UST: variants seen among roughly 807,000 people sequenced by gnomAD.
UST encodes the protein uronyl 2-sulfotransferase, also known as chondroitin sulfate 2-O-sulfotransferase.
UST carries 21 observed loss-of-function variants against 45.6 expected under a neutral mutation model. The ratio of observed to expected loss-of-function variants is 0.46; its 90% confidence interval spans 0.33 to 0.66. The LOEUF is 0.66. Among genes scored for constraint, UST ranks in the 30% least tolerant of loss-of-function variants. The pLI, the probability that UST is intolerant of heterozygous loss-of-function variation, is 0.02. For synonymous variants in UST, 215 were observed against 200.6 expected (o/e 1.07, Z -0.61); for missense variants, 463 against 512.4 (o/e 0.90, Z 0.93).
chr6:149,060,832 C>G (rs189602245), intron 7 of UST, among the ~76,000 whole-genome samples: 149 of 152,320 alleles, frequency 9.8e-4, no homozygotes, highest in African/African-American at 3.4e-3. Flanking sequence ...CTCAGTTGAT[C>G]ACCACTCAGC....
At chr6:148,946,539 C>T (rs1298062136) in intron 3 of UST, among the ~76,000 whole-genome samples, 7 of 104,610 alleles carry the variant, frequency 6.7e-5, no homozygotes, top group African/African-American at 1.4e-4. Flanking sequence ...AGGCCGGGTG[C>T]GGTGGCTCAT....
At chr6:148,847,599 C>T (rs946911920) in intron 1 of UST, among the ~76,000 whole-genome samples, 10 of 152,130 alleles carry the variant, frequency 6.6e-5, no homozygotes, top group African/African-American at 2.2e-4. Context: ...GACATGAATA[C>T]CAGGAGGTGG....
At chr6:148,973,953 T>C (rs1780969632) in intron 5 of UST, among the ~76,000 whole-genome samples, 1 of 152,210 alleles carries the variant, frequency 6.6e-6, no homozygotes, top group Non-Finnish European at 1.5e-5. Context: ...TAGTGTGTAA[T>C]TGGAAAAATA....
intron 1 of UST, among the ~76,000 whole-genome samples, chr6:148,807,810 G>T (rs1562263854): frequency 6.6e-6 from 1 of 152,172 alleles, no homozygotes; most frequent in Admixed American, 6.5e-5. Context: ...AATCACCCTG[G>T]ATGCTTGTGA....
At chr6:149,064,089 C>T (rs569689875) in intron 7 of UST, among the ~76,000 whole-genome samples, 8 of 152,268 alleles carry the variant, frequency 5.3e-5, no homozygotes, top group African/African-American at 1.9e-4. Context: ...CCCAATAAGC[C>T]TGGTCTCCCT....
At chr6:149,035,711 A>G (rs187310079) in intron 7 of UST, among the ~76,000 whole-genome samples, 144 of 152,048 alleles carry the variant, frequency 9.5e-4, no homozygotes, top group African/African-American at 2.3e-3. Flanking sequence ...GGTTGCTGTG[A>G]GCCAAGATTG....
chr6:148,855,939 C>T (rs1415040197), intron 1 of UST, among the ~76,000 whole-genome samples: 44 of 152,156 alleles, frequency 2.9e-4, no homozygotes, highest in Non-Finnish European at 2.4e-4. Context: ...CACATTTCCT[C>T]CTTTGTATGT....
chr6:149,015,104 CTG>C (rs572657256), intron 5 of UST, among the ~76,000 whole-genome samples: 27 of 152,090 alleles, frequency 1.8e-4, no homozygotes, highest in Non-Finnish European at 2.9e-4. Flanking sequence ...GGAGTTTCCT[CTG>C]AGACCAGCCG....
chr6:148,758,940 T>A (rs1776149103), intron 1 of UST, among the ~76,000 whole-genome samples: 1 of 152,192 alleles, frequency 6.6e-6, no homozygotes, highest in Non-Finnish European at 1.5e-5. Context: ...ATGAATGCCT[T>A]CCCATTGGAT....
intron 2 of UST, among the ~76,000 whole-genome samples, chr6:148,922,640 T>C (rs1779733759): frequency 6.7e-6 from 1 of 148,520 alleles, no homozygotes; most frequent in African/African-American, 2.5e-5. Context: ...CTAGGTACTT[T>C]TTTTTTGTAT....
intron 1 of UST, 90 bp from the exon 2 acceptor site, chr6:148,886,896 A>C: frequency 9.3e-7 from 1 of 1,079,144 alleles, no homozygotes; most frequent in Non-Finnish European, 1.4e-6. Flanking sequence ...GAAATACTGT[A>C]TAACTAGAAT....
intron 1 of UST, among the ~76,000 whole-genome samples, chr6:148,883,699 G>A (rs1778863255): frequency 6.6e-6 from 1 of 152,184 alleles, no homozygotes; most frequent in Non-Finnish European, 1.5e-5. Context: ...TTAAGAAAAT[G>A]ACCCAGTATC....
At chr6:149,016,430 T>A (rs906679980) in intron 5 of UST, among the ~76,000 whole-genome samples, 1 of 152,086 alleles carries the variant, frequency 6.6e-6, no homozygotes, top group African/African-American at 2.4e-5. Context: ...ATGGAAGAGG[T>A]GTCTGCTTCC....
chr6:149,060,150 A>G (rs777487546), intron 7 of UST, among the ~76,000 whole-genome samples: 4 of 152,242 alleles, frequency 2.6e-5, no homozygotes, highest in Non-Finnish European at 4.4e-5. Flanking sequence ...ACTTGGCTAC[A>G]TAGATCAAAG....
chr6:149,007,463 ATT>A (rs11312436), intron 5 of UST, among the ~76,000 whole-genome samples: 1,465 of 130,682 alleles, frequency 0.011, 14 homozygotes, highest in African/African-American at 0.031. Context: ...AATTTTTTGT[ATT>A]TTTTTTTTTT....
At chr6:148,973,722 G>A (rs1215869153) in intron 5 of UST, among the ~76,000 whole-genome samples, 1 of 152,066 alleles carries the variant, frequency 6.6e-6, no homozygotes, top group Admixed American at 6.6e-5. Flanking sequence ...TCCCTACCCA[G>A]CTGTTTTACA....
At chr6:149,045,992 T>C (rs1211396062) in intron 7 of UST, among the ~76,000 whole-genome samples, 1 of 152,206 alleles carries the variant, frequency 6.6e-6, no homozygotes, top group Non-Finnish European at 1.5e-5. Context: ...AGAAGCCAGA[T>C]TGCTGAATGC....
intron 7 of UST, among the ~76,000 whole-genome samples, chr6:149,039,289 C>T (rs892944560): frequency 6.6e-6 from 1 of 152,164 alleles, no homozygotes; most frequent in African/African-American, 2.4e-5. Context: ...TACAGTGACA[C>T]GATCTTGACT....
At chr6:148,952,827 CCA>C (rs1442490976) in intron 3 of UST, among the ~76,000 whole-genome samples, 3 of 152,100 alleles carry the variant, frequency 2.0e-5, no homozygotes, top group Non-Finnish European at 4.4e-5. Flanking sequence ...TTAAAAAATT[CCA>C]CAGTGTGTTC....
Sources: gnomAD v4.1 joint callset for allele counts (sites outside exome capture counted in the v4.1 genomes callset) on GRCh38, gnomAD v4.1.1 for gene constraint, MANE v1.5 for transcripts, NCBI Gene and HGNC (gene_info 2026-07-23, HGNC 2026-07-21) for gene names.